The following CNBD1 variants were observed in gnomAD, a reference collection of about 807,000 sequenced individuals.
The protein encoded by CNBD1 is cyclic nucleotide-binding domain-containing protein 1.
In CNBD1, 71 loss-of-function variants were observed where a neutral mutation model predicts 54.4. The ratio of observed to expected loss-of-function variants is 1.30; its 90% CI spans 1.08 to 1.59. The LOEUF is 1.59. Ranked by LOEUF, CNBD1 falls within the 40% of genes most tolerant of loss-of-function variation. The probability of loss-of-function intolerance (pLI) is 0.00; values close to 1 mark genes in which losing one functional copy is unlikely to be tolerated. For synonymous variants in CNBD1, 182 were observed against 170.7 expected (o/e 1.07, Z -0.51); for missense variants, 659 against 518.0 (o/e 1.27, Z -2.64).
At chr8:87,217,641 T>C (rs1012204630) in intron 5 of CNBD1, among the ~76,000 whole-genome samples, 20 of 151,834 alleles carry the variant, frequency 1.3e-4, no homozygotes, top group African/African-American at 4.6e-4. Context: ...AATAACTTTT[T>C]CACTGGAGAG....
At chr8:87,381,959 G>T (rs527836427) in intron 10 of CNBD1, among the ~76,000 whole-genome samples, 1 of 151,824 alleles carries the variant, frequency 6.6e-6, no homozygotes, top group African/African-American at 2.4e-5. Flanking sequence ...ATATTGTATT[G>T]TACACTTAAA....
intron 4 of CNBD1, among the ~76,000 whole-genome samples, chr8:87,062,096 G>A (rs770160474): frequency 1.3e-5 from 2 of 152,298 alleles, no homozygotes; most frequent in Admixed American, 6.5e-5. Flanking sequence ...GTCAGCTCCC[G>A]GCAAGTGAAA....
At chr8:87,082,159 C>T (rs1397974634) in intron 4 of CNBD1, among the ~76,000 whole-genome samples, 1 of 152,142 alleles carries the variant, frequency 6.6e-6, no homozygotes, top group African/African-American at 2.4e-5. Context: ...GTGATTTGTT[C>T]CTGCCCCACC....
At chr8:87,413,306 C>G (rs1173937824) in intron 2 of CNBD1, among the ~76,000 whole-genome samples, 1 of 152,034 alleles carries the variant, frequency 6.6e-6, no homozygotes, top group African/African-American at 2.4e-5. Flanking sequence ...TATTTTTTCA[C>G]ACTTACTACT....
intron 4 of CNBD1, among the ~76,000 whole-genome samples, chr8:87,004,917 T>C (rs1055161895): frequency 6.6e-6 from 1 of 151,976 alleles, no homozygotes; most frequent in African/African-American, 2.4e-5. Context: ...AAAAAATGGG[T>C]GGTGATAAAA....
intron 3 of CNBD1, among the ~76,000 whole-genome samples, chr8:86,919,111 TAAAC>T (rs927000759): frequency 1.3e-5 from 2 of 151,228 alleles, no homozygotes; most frequent in African/African-American, 4.9e-5. Flanking sequence ...GACTGAAAAA[TAAAC>T]AATCCTCTCA....
intron 4 of CNBD1, among the ~76,000 whole-genome samples, chr8:87,052,844 C>T (rs771857287): frequency 1.3e-5 from 2 of 152,180 alleles, no homozygotes; most frequent in South Asian, 4.1e-4. Context: ...CATCAGAGAA[C>T]CTTCCCAGGT....
Position 87,381,221 on chromosome 8 carries a change from A to G in CNBD1, c.1304-1399A>G, listed in dbSNP as rs572353321. Among the ~76,000 whole-genome samples the G allele has an allele frequency of 3.9e-5, 6 of 152,214 alleles. No homozygotes were observed. The Middle Eastern group carries it at 0.017, about 431-fold the overall frequency. ...TAATAACTCAATTTAAAAATAGGAT[A>G]AAGACTTGAATATACATTTCTCTAA... On this transcript the variant is annotated intron_variant, in intron 10 of 10. Coordinates refer to ENST00000518476, the MANE Select transcript of CNBD1 (RefSeq NM_173538.3).
chr8:87,318,925 G>T lies in CNBD1; in HGVS notation c.1042+32254G>T, dbSNP rs573298842. Among the ~76,000 whole-genome samples, 3 of 152,108 alleles carry T rather than the reference G, an allele frequency of 2.0e-5. No individual in the cohort carries two copies. The East Asian group carries it at 5.8e-4, about 29-fold the overall frequency. On this transcript the variant is annotated intron_variant, in intron 8 of 10. Coordinates refer to ENST00000518476, the MANE Select transcript of CNBD1 (RefSeq NM_173538.3). ...AAGACTGATAGCCAAACTTGTAAGA[G>T]TTTTAGGAGAGCTAAGGCTCATCAG...
chr8:86,917,694 C>A (rs2131821358), intron 3 of CNBD1, among the ~76,000 whole-genome samples: 1 of 152,188 alleles, frequency 6.6e-6, no homozygotes, highest in African/African-American at 2.4e-5. Context: ...AGATACCAAT[C>A]CAGAGCCAAC....
At chr8:87,065,330 A>C (rs1810627257) in intron 4 of CNBD1, among the ~76,000 whole-genome samples, 1 of 151,950 alleles carries the variant, frequency 6.6e-6, no homozygotes, top group Non-Finnish European at 1.5e-5. Context: ...TTATGTGACA[A>C]GTCACTGTAT....
At chr8:86,932,835 T>A (rs1305994094) in intron 3 of CNBD1, among the ~76,000 whole-genome samples, 2 of 152,186 alleles carry the variant, frequency 1.3e-5, no homozygotes, top group Non-Finnish European at 2.9e-5. Flanking sequence ...TTGTTCTGTT[T>A]TTTTTTTCTT....
intron 6 of CNBD1, among the ~76,000 whole-genome samples, chr8:87,241,918 T>A (rs900024162): frequency 2.0e-5 from 3 of 152,106 alleles, no homozygotes; most frequent in African/African-American, 7.2e-5. Context: ...GTAGAGAATG[T>A]AAATAAAAAA....
intron 4 of CNBD1, among the ~76,000 whole-genome samples, chr8:86,943,365 C>CAAAAAAAAAAAAAAAAAAAAAAAAAAA (rs1158061860): frequency 3.1e-5 from 1 of 32,578 alleles, no homozygotes; most frequent in African/African-American, 1.1e-4. Flanking sequence ...GACTCCATCT[C>CAAAAAAAAAAAAAAAAAAAAAAAAAAA]AAAAAAAAAA....
chr8:86,990,106 G>A (rs1341065092), intron 4 of CNBD1, among the ~76,000 whole-genome samples: 6 of 152,154 alleles, frequency 3.9e-5, no homozygotes, highest in Non-Finnish European at 8.8e-5. Context: ...TTAATCCCAT[G>A]TCAGATGGGT....
chr8:86,941,499 T>C (rs1809656356), intron 4 of CNBD1, among the ~76,000 whole-genome samples: 1 of 152,002 alleles, frequency 6.6e-6, no homozygotes, highest in Non-Finnish European at 1.5e-5. Flanking sequence ...GCTGTAAGAG[T>C]TTTAATGGCA....
At chr8:87,366,146 A>G (rs991082098) in intron 10 of CNBD1, among the ~76,000 whole-genome samples, 4 of 152,078 alleles carry the variant, frequency 2.6e-5, no homozygotes, top group Non-Finnish European at 5.9e-5. Flanking sequence ...GCTTTAAACA[A>G]TACTCATTTA....
intron 4 of CNBD1, among the ~76,000 whole-genome samples, chr8:87,065,846 A>C (rs1407148554): frequency 6.6e-6 from 1 of 151,964 alleles, no homozygotes; most frequent in Non-Finnish European, 1.5e-5. Flanking sequence ...TTGGCGCTCA[A>C]ACCCAGTTCA....
intron 4 of CNBD1, among the ~76,000 whole-genome samples, chr8:87,202,799 C>T (rs1295345909): frequency 6.6e-6 from 1 of 152,114 alleles, no homozygotes; most frequent in African/African-American, 2.4e-5. Flanking sequence ...AAGGCCTCGA[C>T]TAGGAATGCA....
Sources: gnomAD v4.1 joint callset for allele counts (sites outside exome capture counted in the v4.1 genomes callset) on GRCh38, gnomAD v4.1.1 for gene constraint, MANE v1.5 for transcripts, NCBI Gene and HGNC (gene_info 2026-07-23, HGNC 2026-07-21) for gene names.